MAN2A1: variants seen among roughly 807,000 people sequenced by gnomAD.
MAN2A1 encodes the protein mannosidase alpha class 2A member 1, also known as alpha-mannosidase 2.
Under a neutral mutation model 142.6 loss-of-function variants are expected in MAN2A1, and 76 were observed. The observed-to-expected ratio is 0.53, with a 90% CI of 0.44 to 0.65. The LOEUF is 0.65. MAN2A1 is among the 30% of genes least tolerant of loss of function. The pLI, the probability that MAN2A1 is intolerant of heterozygous loss-of-function variation, is 0.00. For missense variants in MAN2A1, 1,311 were observed against 1,365.1 expected (o/e 0.96, Z 0.62); for synonymous variants, 559 against 473.2 (o/e 1.18, Z -2.35).
At chr5:109,765,186 G>T (rs536808897) in intron 5 of MAN2A1, among the ~76,000 whole-genome samples, 1 of 152,088 alleles carries the variant, frequency 6.6e-6, no homozygotes, top group African/African-American at 2.4e-5. Context: ...GTCAAGAATG[G>T]AATCCATGGT....
chr5:109,751,505 T>A (rs1752547091), intron 4 of MAN2A1, among the ~76,000 whole-genome samples: 1 of 152,074 alleles, frequency 6.6e-6, no homozygotes, highest in Admixed American at 6.6e-5. Context: ...TTTTTTTCCT[T>A]GGTATACTTG....
chr5:109,766,027 T>C (rs569801969), intron 5 of MAN2A1, among the ~76,000 whole-genome samples: 1 of 152,280 alleles, frequency 6.6e-6, no homozygotes, highest in African/African-American at 2.4e-5. Context: ...TCATTGGTAC[T>C]GAGGTTTTAT....
At chr5:109,725,000 C>G (rs760169680) in intron 3 of MAN2A1, among the ~76,000 whole-genome samples, 63 of 152,000 alleles carry the variant, frequency 4.1e-4, no homozygotes, top group Non-Finnish European at 8.1e-4. Flanking sequence ...TTTCATTCAT[C>G]TTATTAAGTA....
intron 16 of MAN2A1, among the ~76,000 whole-genome samples, chr5:109,828,393 C>G (rs1754814290): frequency 6.6e-6 from 1 of 152,178 alleles, no homozygotes; most frequent in Admixed American, 6.5e-5. Flanking sequence ...ATAATACAAA[C>G]AGAAGCTCCT....
chr5:109,758,711 A>G (rs919849412), intron 5 of MAN2A1, among the ~76,000 whole-genome samples: 5 of 148,720 alleles, frequency 3.4e-5, no homozygotes, highest in South Asian at 2.1e-4. Context: ...AATAGTTAAT[A>G]TAACTATTAA....
At chr5:109,814,524 T>A (rs1227052316) in intron 12 of MAN2A1, among the ~76,000 whole-genome samples, 1 of 152,206 alleles carries the variant, frequency 6.6e-6, no homozygotes, top group African/African-American at 2.4e-5. Flanking sequence ...ATGCTGTGAA[T>A]CTCTAATCAT....
chr5:109,736,759 A>G (rs1752111838), intron 4 of MAN2A1, among the ~76,000 whole-genome samples: 2 of 152,034 alleles, frequency 1.3e-5, no homozygotes, highest in Non-Finnish European at 2.9e-5. Context: ...GAACCTGTTT[A>G]TATTTTACCA....
intron 19 of MAN2A1, among the ~76,000 whole-genome samples, chr5:109,853,294 G>A (rs1191414986): frequency 6.6e-6 from 1 of 152,080 alleles, no homozygotes; most frequent in Non-Finnish European, 1.5e-5. Context: ...ATTCACCTGG[G>A]GAGGCTTTTC....
intron 1 of MAN2A1, among the ~76,000 whole-genome samples, chr5:109,707,012 A>G (rs1345108645): frequency 1.3e-5 from 2 of 152,190 alleles, no homozygotes; most frequent in Non-Finnish European, 2.9e-5. Flanking sequence ...GGTGAAAATA[A>G]TAGTCTCTTG....
At chr5:109,731,630 C>G (rs1174749700) in intron 4 of MAN2A1, among the ~76,000 whole-genome samples, 1 of 149,880 alleles carries the variant, frequency 6.7e-6, no homozygotes, top group East Asian at 2.0e-4. Flanking sequence ...TTTGTCCTTG[C>G]GATAATTTGC....
intron 4 of MAN2A1, among the ~76,000 whole-genome samples, chr5:109,746,392 A>G (rs1051318794): frequency 3.3e-5 from 5 of 152,206 alleles, no homozygotes; most frequent in African/African-American, 9.6e-5. Context: ...AGGATACACA[A>G]TGAAAAGTAA....
chr5:109,692,376 G>T (rs186907823), intron 1 of MAN2A1, among the ~76,000 whole-genome samples: 1 of 152,094 alleles, frequency 6.6e-6, no homozygotes, highest in East Asian at 1.9e-4. Flanking sequence ...CAGATTTTCT[G>T]TACTGGATTT....
intron 20 of MAN2A1, among the ~76,000 whole-genome samples, chr5:109,860,632 C>A (rs1755731574): frequency 6.6e-6 from 1 of 152,146 alleles, no homozygotes; most frequent in African/African-American, 2.4e-5. Flanking sequence ...TTTACTGTTT[C>A]TTTTGGTGCG....
chr5:109,812,750 G>C (rs1754352380), intron 12 of MAN2A1, among the ~76,000 whole-genome samples: 1 of 152,082 alleles, frequency 6.6e-6, no homozygotes, highest in Non-Finnish European at 1.5e-5. Context: ...GAATTGAAAA[G>C]CACTTTTTAA....
At chr5:109,737,585 A>T (rs963746017) in intron 4 of MAN2A1, among the ~76,000 whole-genome samples, 1 of 152,048 alleles carries the variant, frequency 6.6e-6, no homozygotes, top group East Asian at 1.9e-4. Flanking sequence ...ATCTTCGTAC[A>T]GTCAGTTTTG....
rs958046745 is a variant in MAN2A1 at position 109,690,174 on chromosome 5, C to T, written c.-244C>T. On this transcript the variant is annotated 5_prime_UTR_variant, in exon 1 of 22. Transcript: ENST00000261483. Reference sequence around the variant, plus strand: ...GGGGGCCCCCCTTCCCAGTTGCCGGCGAGTCTCGCCTCGAGAGGGGCGCCC... The same window carrying T: ...GGGGGCCCCCCTTCCCAGTTGCCGGTGAGTCTCGCCTCGAGAGGGGCGCCC... 2 of 466,956 alleles carry T rather than the reference C, an allele frequency of 4.3e-6. No homozygotes were observed. The highest frequency in any genetic ancestry group is 3.9e-6 in the Non-Finnish European group (1 of 257,480). The allele number at this position is 466,956 out of a possible 1,614,324, so 28.9% of individuals were successfully genotyped here. A position where few individuals can be genotyped will look rare whatever the true frequency, so the allele number is the denominator to read the frequency against.
At position 109,729,517 on chromosome 5, in the gene MAN2A1, T is replaced by A. The variant is rs879449607; in HGVS notation, c.707+4T>A. The A allele has an allele frequency of 6.8e-7, 1 of 1,467,500 alleles. No homozygotes were observed. Among genetic ancestry groups the A allele is most frequent in the East Asian group, 2.5e-5 (1 of 40,334 alleles). The allele number at this position is 1,467,500 out of a possible 1,614,324, so 90.9% of individuals were successfully genotyped here. ...AGAAGAAGGATGCTGTTAAAAGGTT[T>A]GTTTTAAAACTTTTTTGGAATTTGG... On this transcript the variant is annotated splice_donor_region_variant and intron_variant, in intron 4 of 21. Coordinates refer to ENST00000261483, the MANE Select transcript of MAN2A1 (RefSeq NM_002372.4).
At chr5:109,762,823 C>T (rs533739786) in intron 5 of MAN2A1, among the ~76,000 whole-genome samples, 66 of 152,268 alleles carry the variant, frequency 4.3e-4, no homozygotes, top group Non-Finnish European at 8.5e-4. Context: ...GTATAATTGT[C>T]AAAAGCACAA....
chr5:109,826,468 A>T (rs1161583247), intron 16 of MAN2A1, among the ~76,000 whole-genome samples: 3 of 151,984 alleles, frequency 2.0e-5, no homozygotes, highest in Admixed American at 6.6e-5. Context: ...GGAAATAGAG[A>T]TACCAGAATC....
Sources: allele counts gnomAD v4.1 joint callset (sites outside exome capture counted in the v4.1 genomes callset), GRCh38; gene constraint gnomAD v4.1.1; transcripts MANE v1.5; gene names NCBI Gene and HGNC (gene_info 2026-07-23, HGNC 2026-07-21).